Variants in SLC8A2 observed in about 807,000 individuals in gnomAD.
SLC8A2 encodes the protein sodium/calcium exchanger 2.
In SLC8A2, 14 loss-of-function variants were observed where a neutral mutation model predicts 70.2. That is an observed-to-expected ratio of 0.20 (90% CI 0.13 to 0.31). The LOEUF is 0.31. SLC8A2 is among the 10% of genes least tolerant of loss of function. The pLI, the probability that SLC8A2 is intolerant of heterozygous loss-of-function variation, is 1.00. For missense variants in SLC8A2, 779 were observed against 1,320.1 expected (o/e 0.59, Z 6.35); for synonymous variants, 575 against 594.3 (o/e 0.97, Z 0.47).
intron 4 of SLC8A2, among the ~76,000 whole-genome samples, chr19:47,443,414 C>T (rs746909430): frequency 6.6e-6 from 1 of 152,228 alleles, no homozygotes; most frequent in Non-Finnish European, 1.5e-5. Context: ...ACTCTTTAGG[C>T]TGTAGGAACC....
At chr19:47,434,047 C>T (rs1383309857) in intron 8 of SLC8A2, among the ~76,000 whole-genome samples, 4 of 152,244 alleles carry the variant, frequency 2.6e-5, no homozygotes, top group Non-Finnish European at 1.5e-5. Context: ...AATGAGCACA[C>T]TTGTGTGTGG....
In SLC8A2 at chr19:47,451,434, G is replaced by A. The variant is rs192625792; in HGVS notation, c.1341-3203C>T. Among the ~76,000 whole-genome samples the A allele has an allele frequency of 2.0e-3, 298 of 152,050 alleles. 5 individuals are homozygous for A. The highest frequency in any genetic ancestry group is 7.0e-3 in the African/African-American group (289 of 41,440). ...AGCAGCCCTCCTGCCTCAGCCTCTC[G>A]AGCAGCTGGGACTACAGGCTCGTGC... is the stretch of plus-strand genomic sequence containing the variant. On this transcript the variant is annotated intron_variant, in intron 3 of 9. Transcript: ENST00000236877.
intron 1 of SLC8A2, among the ~76,000 whole-genome samples, chr19:47,469,953 G>C (rs1031559037): frequency 6.6e-6 from 1 of 152,204 alleles, no homozygotes; most frequent in Non-Finnish European, 1.5e-5. Flanking sequence ...GCATGCCTGG[G>C]GGTGGGTGCA....
intron 3 of SLC8A2, among the ~76,000 whole-genome samples, chr19:47,452,129 T>C (rs1216137426): frequency 1.3e-5 from 2 of 152,194 alleles, no homozygotes; most frequent in Non-Finnish European, 2.9e-5. Flanking sequence ...AATGCCATTA[T>C]TCTCAAAAGA....
intron 3 of SLC8A2, among the ~76,000 whole-genome samples, chr19:47,452,396 TGGAGAGAGAG>T (rs1482602939): frequency 1.1e-4 from 8 of 76,120 alleles, no homozygotes; most frequent in African/African-American, 4.3e-4. Flanking sequence ...TATATATATA[TGGAGAGAGAG>T]AGAGAGAGAG....
intron 2 of SLC8A2, among the ~76,000 whole-genome samples, chr19:47,462,067 C>T (rs535356477): frequency 7.9e-5 from 12 of 152,152 alleles, no homozygotes; most frequent in Non-Finnish European, 1.6e-4. Context: ...CAGAAATGTC[C>T]CACATGCCGG....
In SLC8A2 at chr19:47,428,499, G is replaced by A. The variant is rs1410359842; in HGVS notation, c.*1590C>T. 1.3e-5 allele frequency: 2 copies of A among 152,420 alleles called. No individual in the cohort carries two copies. The highest frequency in any genetic ancestry group is 4.8e-5 in the African/African-American group (2 of 41,404). 9.4% of individuals were successfully genotyped at this position (152,420 alleles called of 1,614,324 possible). A position where few individuals can be genotyped will look rare whatever the true frequency, so the allele number is the denominator to read the frequency against. On this transcript the variant is annotated 3_prime_UTR_variant, in exon 10 of 10. Coordinates refer to ENST00000236877, the MANE Select transcript of SLC8A2 (RefSeq NM_015063.3). Reference sequence around the variant, plus strand: ...ACTGATGGGGGCGTGGCGAGTGGAAGAGCTTGGCGGCTGGACCCCGGCGCT... The same window carrying A: ...ACTGATGGGGGCGTGGCGAGTGGAAAAGCTTGGCGGCTGGACCCCGGCGCT...
chr19:47,460,587 C>T (rs1403672406), intron 2 of SLC8A2, among the ~76,000 whole-genome samples: 1 of 151,802 alleles, frequency 6.6e-6, no homozygotes, highest in African/African-American at 2.4e-5. Flanking sequence ...GTCCCAGTTA[C>T]TCGGGAGGCT....
In SLC8A2 at chr19:47,466,717, T is replaced by C. The variant is rs577967313; in HGVS notation, c.-16-298A>G. ...CGTATCATGCAATTCAGCAGTTTTG[T>C]TCCTCGGTATGTGCCTGAGAAATAG... On this transcript the variant is annotated intron_variant, in intron 1 of 9. Transcript: ENST00000236877. This position sits in a 1 kb window ranked among gnomAD's most constrained non-coding sequence, Gnocchi z 6.9. Among the ~76,000 whole-genome samples, 3 of 152,276 alleles carry C rather than the reference T, an allele frequency of 2.0e-5. No individual in the cohort carries two copies. Among genetic ancestry groups the C allele is most frequent in the African/African-American group, 7.2e-5 (3 of 41,564 alleles).
At chr19:47,440,111 CTT>C in intron 6 of SLC8A2, among the ~76,000 whole-genome samples, 1 of 152,302 alleles carries the variant, frequency 6.6e-6, no homozygotes, top group South Asian at 2.1e-4. Flanking sequence ...TCCAAAATGA[CTT>C]TGTCCATCTC....
intron 3 of SLC8A2, among the ~76,000 whole-genome samples, chr19:47,452,441 A>AGTGT (rs1967253214): frequency 1.4e-4 from 9 of 65,216 alleles, no homozygotes; most frequent in African/African-American, 4.6e-4. Flanking sequence ...AGAGAGAGAG[A>AGTGT]GAGAGTGTGT....
chr19:47,447,158 C>T lies in SLC8A2; in HGVS notation c.1763+651G>A, dbSNP rs956842064. ...CTCCGCGCGCCCAGGCCCCACCCATCTTGTTAGGCCCCGCCTTCTTCCGCA... is the reference window on the plus strand; with the variant it reads ...CTCCGCGCGCCCAGGCCCCACCCATTTTGTTAGGCCCCGCCTTCTTCCGCA... On this transcript the variant is annotated intron_variant, in intron 4 of 9. Coordinates refer to ENST00000236877, the MANE Select transcript of SLC8A2 (RefSeq NM_015063.3). The surrounding 1 kb of genome is among the most constrained non-coding windows in gnomAD (Gnocchi z 5.1). 6.6e-6 allele frequency among the ~76,000 whole-genome samples: 1 copy of T among 151,762 alleles called. No individual in the cohort carries two copies. Among genetic ancestry groups the T allele is most frequent in the Non-Finnish European group, 1.5e-5 (1 of 67,910 alleles).
At chr19:47,435,418 C>T (rs1967014693) in intron 8 of SLC8A2, among the ~76,000 whole-genome samples, 2 of 152,224 alleles carry the variant, frequency 1.3e-5, no homozygotes, top group Admixed American at 6.5e-5. Context: ...CCTCATCCTC[C>T]GTCTCCACTA....
chr19:47,465,162 A>G lies in SLC8A2; in HGVS notation c.675+567T>C, dbSNP rs932801803. On this transcript the variant is annotated intron_variant, in intron 2 of 9. Coordinates refer to ENST00000236877, the MANE Select transcript of SLC8A2 (RefSeq NM_015063.3). This position sits in a 1 kb window ranked among gnomAD's most constrained non-coding sequence, Gnocchi z 5.5. ...ATTATGCAGATGTAGGTATATATCT[A>G]TGCGAGCCCATGGATAAATTATGCA... 6.6e-6 allele frequency among the ~76,000 whole-genome samples: 1 copy of G among 152,262 alleles called. No homozygotes were observed. The highest frequency in any genetic ancestry group is 2.4e-5 in the African/African-American group (1 of 41,468).
intron 2 of SLC8A2, among the ~76,000 whole-genome samples, chr19:47,458,989 T>C (rs1967353928): frequency 6.7e-6 from 1 of 149,776 alleles, no homozygotes; most frequent in Admixed American, 6.7e-5. Context: ...TCCCTATCTC[T>C]CCCCACCCCC....
chr19:47,459,600 CGTGCTTGTGT>C, intron 2 of SLC8A2, among the ~76,000 whole-genome samples: 1 of 150,856 alleles, frequency 6.6e-6, no homozygotes, highest in South Asian at 2.1e-4. Context: ...CCTGTGTGTG[CGTGCTTGTGT>C]GTGCATGTGT....
chr19:47,444,375 C>G (rs1013705707), intron 4 of SLC8A2, among the ~76,000 whole-genome samples: 1 of 152,214 alleles, frequency 6.6e-6, no homozygotes. Context: ...CAGGCGCACA[C>G]AAGACGGCCA....
chr19:47,470,707 T>C (rs1032532440), intron 1 of SLC8A2, among the ~76,000 whole-genome samples: 8 of 152,172 alleles, frequency 5.3e-5, no homozygotes, highest in Admixed American at 2.0e-4. Flanking sequence ...GAAGGACTGG[T>C]CCAGTTACAC....
chr19:47,470,404 A>G (rs2122658785), intron 1 of SLC8A2, among the ~76,000 whole-genome samples: 1 of 151,556 alleles, frequency 6.6e-6, no homozygotes. Context: ...CTACAGGCAC[A>G]GCCTCGTACC....
Sources: allele counts gnomAD v4.1 joint callset (sites outside exome capture counted in the v4.1 genomes callset), GRCh38; gene constraint gnomAD v4.1.1; non-coding constraint Gnocchi (gnomAD v3.1); transcripts MANE v1.5; gene names NCBI Gene and HGNC (gene_info 2026-07-23, HGNC 2026-07-21).